Variants in RBFOX3 observed in about 807,000 individuals in gnomAD.
RBFOX3 encodes RNA binding protein fox-1 homolog 3.
A neutral mutation model predicts 48.7 loss-of-function variants in RBFOX3; 17 were observed. The ratio of observed to expected loss-of-function variants is 0.35; its 90% CI spans 0.24 to 0.52. The LOEUF (loss-of-function observed/expected upper bound fraction) is 0.52. Ranked by LOEUF, RBFOX3 falls within the 20% of genes least tolerant of loss-of-function variation. RBFOX3 has a pLI of 0.94. For missense variants in RBFOX3, 382 were observed against 497.5 expected, an observed-to-expected ratio of 0.77 and a Z score of 2.21; for synonymous variants, 212 against 209.5, an observed-to-expected ratio of 1.01 and a Z score of -0.10.
intron 2 of RBFOX3, among the ~76,000 whole-genome samples, chr17:79,320,578 T>C (rs184731719): frequency 6.6e-6 from 1 of 152,328 alleles, no homozygotes; most frequent in Admixed American, 6.5e-5. Context: ...TAACCAGCTC[T>C]ACTGCCAGAA....
chr17:79,618,833 A>T, the RBFOX3 span, among the ~76,000 whole-genome samples: 1 of 152,166 alleles, frequency 6.6e-6, no homozygotes, highest in Non-Finnish European at 1.5e-5. Context: ...CCTCAGCAAG[A>T]GGCAAATGAA....
At chr17:79,380,790 T>TAAAC (rs1416900260) in intron 2 of RBFOX3, among the ~76,000 whole-genome samples, 1 of 152,048 alleles carries the variant, frequency 6.6e-6, no homozygotes, top group African/African-American at 2.4e-5. Flanking sequence ...CCACACTTTC[T>TAAAC]AAACACCTCC....
rs576751626 is a variant in RBFOX3 at position 79,195,716 on chromosome 17, C to T, written c.-34+40050G>A. On this transcript the variant is annotated intron_variant, in intron 4 of 14. Transcript: ENST00000693108. This position sits in a 1 kb window ranked among gnomAD's most constrained non-coding sequence, Gnocchi z 5.3. ...CCTTCTGTGCTCCCTCCCCTACGACCGGACAGCACCAGGAAACCAGCACTC... is the reference window on the plus strand; with the variant it reads ...CCTTCTGTGCTCCCTCCCCTACGACTGGACAGCACCAGGAAACCAGCACTC... Among the ~76,000 whole-genome samples, 3 of 152,194 alleles carry T rather than the reference C, an allele frequency of 2.0e-5. No homozygotes were observed. The highest frequency in any genetic ancestry group is 1.5e-5 in the Non-Finnish European group (1 of 68,040).
chr17:79,501,502 C>T (rs1179486295), intron 1 of RBFOX3, among the ~76,000 whole-genome samples: 3 of 152,170 alleles, frequency 2.0e-5, no homozygotes, highest in African/African-American at 7.2e-5. Flanking sequence ...GAGTCCCACC[C>T]TCTGCCTCCT....
chr17:79,375,959 T>C (rs184781902), intron 2 of RBFOX3, among the ~76,000 whole-genome samples: 250 of 152,326 alleles, frequency 1.6e-3, no homozygotes, highest in African/African-American at 5.7e-3. Flanking sequence ...TCCCTCACAG[T>C]GTGGAGCAGG....
At position 79,314,153 on chromosome 17, in the gene RBFOX3, G is replaced by GT. The variant is rs1321901405; in HGVS notation, c.-174-6330dup. ...AGTTTCTGAATGGGTCACTCTTGTT[G>GT]TTTTTTTACTAAAAGGGCTTTACGT... On this transcript the variant is annotated intron_variant, in intron 2 of 14. Coordinates refer to ENST00000693108, the MANE Select transcript of RBFOX3 (RefSeq NM_001350451.2). Among the ~76,000 whole-genome samples the GT allele has an allele frequency of 4.6e-5, 7 of 152,282 alleles. No individual in the cohort carries two copies. The South Asian group carries it at 8.3e-4, about 18-fold the overall frequency.
intron 3 of RBFOX3, among the ~76,000 whole-genome samples, chr17:79,292,030 G>A (rs375047148): frequency 3.8e-4 from 58 of 152,246 alleles, no homozygotes; most frequent in African/African-American, 1.3e-3. Flanking sequence ...CCCAAAGCCA[G>A]CCACGGAGCT....
chr17:79,092,628 C>G, intron 14 of RBFOX3: 1 of 987,054 alleles, frequency 1.0e-6, no homozygotes, highest in Non-Finnish European at 1.2e-6. Flanking sequence ...GTACCCTCCT[C>G]GGCAGAGGCT....
At chr17:79,548,627 C>G (rs1287185283) in intron 1 of RBFOX3, among the ~76,000 whole-genome samples, 3 of 152,354 alleles carry the variant, frequency 2.0e-5, no homozygotes, top group Non-Finnish European at 4.4e-5. Flanking sequence ...CTCAGTTTCT[C>G]CAGCTGTAAA....
At chr17:79,117,582 G>A (rs192883959) in intron 4 of RBFOX3, among the ~76,000 whole-genome samples, 1 of 152,298 alleles carries the variant, frequency 6.6e-6, no homozygotes, top group Non-Finnish European at 1.5e-5. Flanking sequence ...TCGGCCTCTG[G>A]GCAGTGCCTC....
At chr17:79,180,485 C>T (rs776346273) in intron 4 of RBFOX3, among the ~76,000 whole-genome samples, 6 of 152,210 alleles carry the variant, frequency 3.9e-5, no homozygotes, top group Admixed American at 6.5e-5. Flanking sequence ...CCAACACTCA[C>T]GCAGAGGACC....
intron 4 of RBFOX3, among the ~76,000 whole-genome samples, chr17:79,223,911 G>C (rs1254448920): frequency 6.6e-6 from 1 of 152,116 alleles, no homozygotes; most frequent in Non-Finnish European, 1.5e-5. Flanking sequence ...GGGGCCAAGA[G>C]GAACAAGGCA....
chr17:79,405,982 T>A (rs771509906), intron 2 of RBFOX3, among the ~76,000 whole-genome samples: 2 of 152,230 alleles, frequency 1.3e-5, no homozygotes, highest in Non-Finnish European at 2.9e-5. Context: ...TCATGCTACA[T>A]CAGGGTTTTG....
chr17:79,280,684 C>T (rs533930449), intron 3 of RBFOX3, among the ~76,000 whole-genome samples: 21 of 152,334 alleles, frequency 1.4e-4, no homozygotes, highest in East Asian at 7.7e-4. Context: ...GTCATGTAGA[C>T]GGGCCTTGGG....
At chr17:79,617,494 C>T in the RBFOX3 span, among the ~76,000 whole-genome samples, 1 of 152,326 alleles carries the variant, frequency 6.6e-6, no homozygotes, top group Admixed American at 6.5e-5. Context: ...CCTGCACTCC[C>T]TCCTTGGTTT....
intron 4 of RBFOX3, among the ~76,000 whole-genome samples, chr17:79,152,657 GAA>G (rs976189468): frequency 1.3e-5 from 2 of 152,196 alleles, no homozygotes; most frequent in African/African-American, 4.8e-5. Flanking sequence ...CGGAAAAGGG[GAA>G]AGAGAGGGAA....
intron 14 of RBFOX3, among the ~76,000 whole-genome samples, chr17:79,093,910 T>C (rs888481504): frequency 6.6e-6 from 1 of 152,004 alleles, no homozygotes; most frequent in African/African-American, 2.4e-5. Flanking sequence ...GAGCAGGCAC[T>C]GTTTCCCCAG....
chr17:79,517,444 C>CAAAAAAAAAAA (rs1231600861), intron 1 of RBFOX3, among the ~76,000 whole-genome samples: 2 of 94,934 alleles, frequency 2.1e-5, no homozygotes, highest in African/African-American at 8.2e-5. Flanking sequence ...GAGTCTGTCT[C>CAAAAAAAAAAA]AAAAAAAAAA....
chr17:79,643,857 C>G, the RBFOX3 span, among the ~76,000 whole-genome samples: 4 of 151,718 alleles, frequency 2.6e-5, no homozygotes, highest in South Asian at 8.3e-4. Context: ...AATTAATGAA[C>G]TAAGCTTCTA....
Sources: allele counts gnomAD v4.1 joint callset (sites outside exome capture counted in the v4.1 genomes callset), GRCh38; gene constraint gnomAD v4.1.1; non-coding constraint Gnocchi (gnomAD v3.1); transcripts MANE v1.5; gene names NCBI Gene and HGNC (gene_info 2026-07-23, HGNC 2026-07-21).